ZMAT4: variants seen among roughly 807,000 people sequenced by gnomAD.
ZMAT4 encodes the protein zinc finger matrin-type protein 4.
A neutral mutation model predicts 28.7 loss-of-function variants in ZMAT4; 17 were observed. The observed-to-expected ratio is 0.59, with a 90% confidence interval of 0.41 to 0.89. The LOEUF is 0.89. ZMAT4 is among the 40% of genes least tolerant of loss of function. ZMAT4 has a pLI of 0.00. For synonymous variants in ZMAT4, 117 were observed against 109.2 expected, an observed-to-expected ratio of 1.07 and a Z score of -0.44; for missense variants, 240 against 283.8, an observed-to-expected ratio of 0.85 and a Z score of 1.11.
rs556824108 is a variant in ZMAT4, at chr8:40,550,151, C to A, written c.675-17913G>T. Among the ~76,000 whole-genome samples, 9 of 152,234 alleles carry A rather than the reference C, an allele frequency of 5.9e-5. 1 individual carries two copies. The South Asian group carries it at 1.9e-3, about 32-fold the overall frequency. ...GTGATGGGTTCTCTTGGGCCACTCC[C>A]AGACCATGAATGCAGCAGGGATTTT... On this transcript the variant is annotated intron_variant, in intron 6 of 6. Transcript: ENST00000297737.
rs11986098 is a variant in ZMAT4, at chr8:40,585,705, C to T, written c.578-4444G>A. ...ACCCAGAGGCTATAACTTATCACTA[C>T]CAGTGTGTGAGTTTTTAAATGCTTA... On this transcript the variant is annotated intron_variant, in intron 5 of 6. Coordinates refer to ENST00000297737, the MANE Select transcript of ZMAT4 (RefSeq NM_024645.3). 4.1e-3 allele frequency among the ~76,000 whole-genome samples: 620 copies of T among 152,232 alleles called. 2 individuals carry two copies. The highest frequency in any genetic ancestry group is 0.014 in the African/African-American group (579 of 41,546).
At chr8:40,847,691 C>G (rs151230920) in intron 1 of ZMAT4, among the ~76,000 whole-genome samples, 24 of 152,278 alleles carry the variant, frequency 1.6e-4, no homozygotes, top group African/African-American at 4.8e-4. Context: ...CTCCTTCCCC[C>G]CTAAATTTCA....
At chr8:40,632,341 A>G (rs1585787004) in intron 5 of ZMAT4, among the ~76,000 whole-genome samples, 1 of 152,164 alleles carries the variant, frequency 6.6e-6, no homozygotes, top group African/African-American at 2.4e-5. Context: ...AAGCCATGCC[A>G]TTTTCTCCCC....
intron 1 of ZMAT4, among the ~76,000 whole-genome samples, chr8:40,828,337 A>G (rs1816153361): frequency 6.6e-6 from 1 of 152,222 alleles, no homozygotes; most frequent in South Asian, 2.1e-4. Context: ...TTTCTAATGA[A>G]GAAGCACACA....
chr8:40,826,445 A>G (rs1816046354), intron 1 of ZMAT4, among the ~76,000 whole-genome samples: 1 of 152,166 alleles, frequency 6.6e-6, no homozygotes, highest in South Asian at 2.1e-4. Flanking sequence ...ATGACAGAAA[A>G]TTGCTTTTGC....
rs562922012 is a variant in ZMAT4, at chr8:40,575,153, A to C, written c.674+6012T>G. Among the ~76,000 whole-genome samples, 6 of 152,256 alleles carry C rather than the reference A, an allele frequency of 3.9e-5. No individual in the cohort carries two copies. In the East Asian group the frequency reaches 9.7e-4, roughly 25 times the overall value. The stretch of plus-strand genomic sequence containing the variant: ...ATGACTCTAATTTTGAGAGCAGGGA[A>C]GTCAACCCCAGGCTGTCCAAGCCAA... On this transcript the variant is annotated intron_variant, in intron 6 of 6. Transcript: ENST00000297737.
chr8:40,820,546 G>A (rs1332355153), intron 2 of ZMAT4, among the ~76,000 whole-genome samples: 1 of 142,268 alleles, frequency 7.0e-6, no homozygotes, highest in East Asian at 2.2e-4. Flanking sequence ...GTGTGCATTT[G>A]TGTGTGTATG....
intron 5 of ZMAT4, among the ~76,000 whole-genome samples, chr8:40,653,320 T>C (rs1480731006): frequency 6.6e-6 from 1 of 151,842 alleles, no homozygotes; most frequent in African/African-American, 2.4e-5. Flanking sequence ...CTCAATTCAA[T>C]AACTAAACTT....
intron 5 of ZMAT4, among the ~76,000 whole-genome samples, chr8:40,638,088 G>A (rs74795015): frequency 6.6e-6 from 1 of 152,058 alleles, no homozygotes; most frequent in East Asian, 1.9e-4. Context: ...AGGAGACGTT[G>A]GTCAAAGGGT....
At chr8:40,803,396 A>C (rs1814937827) in intron 2 of ZMAT4, among the ~76,000 whole-genome samples, 1 of 152,232 alleles carries the variant, frequency 6.6e-6, no homozygotes, top group Non-Finnish European at 1.5e-5. Flanking sequence ...CTTAAAACTC[A>C]ACAAGAACAC....
chr8:40,665,877 T>C (rs1236385373), intron 5 of ZMAT4, among the ~76,000 whole-genome samples: 3 of 152,192 alleles, frequency 2.0e-5, no homozygotes, highest in Non-Finnish European at 4.4e-5. Flanking sequence ...TATAATTCAA[T>C]GATATTGACT....
intron 2 of ZMAT4, among the ~76,000 whole-genome samples, chr8:40,824,980 C>T (rs1037709884): frequency 3.3e-5 from 5 of 152,116 alleles, no homozygotes; most frequent in African/African-American, 9.7e-5. Context: ...TCTGTTGCTC[C>T]CCGATTCTAA....
intron 6 of ZMAT4, among the ~76,000 whole-genome samples, chr8:40,546,097 G>A (rs888279416): frequency 4.6e-5 from 7 of 152,008 alleles, no homozygotes; most frequent in Admixed American, 1.3e-4. Context: ...ACAAAAGTAA[G>A]AGTAGCTGGA....
chr8:40,573,686 G>A (rs1804171759), intron 6 of ZMAT4, among the ~76,000 whole-genome samples: 1 of 152,122 alleles, frequency 6.6e-6, no homozygotes, highest in Non-Finnish European at 1.5e-5. Flanking sequence ...AAATGGCAAA[G>A]GCTATCTGGA....
intron 5 of ZMAT4, among the ~76,000 whole-genome samples, chr8:40,627,272 A>G (rs1806411756): frequency 6.6e-6 from 1 of 152,214 alleles, no homozygotes; most frequent in South Asian, 2.1e-4. Context: ...CTAAGAATGT[A>G]TCATCACATT....
chr8:40,593,826 C>T (rs901432547), intron 5 of ZMAT4, among the ~76,000 whole-genome samples: 5 of 152,304 alleles, frequency 3.3e-5, no homozygotes, highest in Middle Eastern at 3.4e-3. Flanking sequence ...TGGGTACCTG[C>T]GTCTAATCTT....
chr8:40,534,681 T>G (rs936008040), intron 6 of ZMAT4, among the ~76,000 whole-genome samples: 14 of 144,124 alleles, frequency 9.7e-5, no homozygotes, highest in Non-Finnish European at 1.7e-4. Flanking sequence ...TGCTACCTTT[T>G]TTTTTTTTTT....
intron 1 of ZMAT4, among the ~76,000 whole-genome samples, chr8:40,859,784 T>A (rs568784626): frequency 2.0e-5 from 3 of 151,550 alleles, no homozygotes; most frequent in African/African-American, 7.3e-5. Context: ...AGTTAGGTCA[T>A]GAGGGGTGAG....
chr8:40,744,605 G>T (rs942325608), intron 3 of ZMAT4, among the ~76,000 whole-genome samples: 1 of 152,140 alleles, frequency 6.6e-6, no homozygotes, highest in Non-Finnish European at 1.5e-5. Flanking sequence ...GAGCTGCTCA[G>T]CCGTAACCCA....
Sources: gnomAD v4.1 joint callset for allele counts (sites outside exome capture counted in the v4.1 genomes callset) on GRCh38, gnomAD v4.1.1 for gene constraint, MANE v1.5 for transcripts, NCBI Gene and HGNC (gene_info 2026-07-23, HGNC 2026-07-21) for gene names.